TMEM132C: variants seen among roughly 807,000 people sequenced by gnomAD.
TMEM132C encodes transmembrane protein 132C, also known as protein phosphatase 1, regulatory subunit 152.
Under a neutral mutation model 61.4 loss-of-function variants are expected in TMEM132C, and 29 were observed. That is an observed-to-expected ratio of 0.47 (90% CI 0.35 to 0.64). The LOEUF (loss-of-function observed/expected upper bound fraction) is 0.64. Among genes scored for constraint, TMEM132C ranks in the 30% least tolerant of loss-of-function variants. TMEM132C has a pLI of 0.00. For missense variants in TMEM132C, 1,408 were observed against 1,476.9 expected (o/e 0.95, Z 0.76); for synonymous variants, 656 against 633.1 (o/e 1.04, Z -0.54).
At chr12:128,676,664 A>G (rs762458964) in intron 5 of TMEM132C, among the ~76,000 whole-genome samples, 2 of 152,216 alleles carry the variant, frequency 1.3e-5, no homozygotes, top group Non-Finnish European at 2.9e-5. Flanking sequence ...AAATCTACAT[A>G]CATACACATA....
chr12:128,343,724 A>G (rs1485026175), intron 1 of TMEM132C, among the ~76,000 whole-genome samples: 2 of 150,674 alleles, frequency 1.3e-5, no homozygotes, highest in East Asian at 1.9e-4. Flanking sequence ...TTCCACCCAG[A>G]AAAAAAACCC....
intron 2 of TMEM132C, among the ~76,000 whole-genome samples, chr12:128,491,867 A>G (rs1288819507): frequency 7.5e-6 from 1 of 133,638 alleles, no homozygotes; most frequent in Admixed American, 7.5e-5. Context: ...TTTTTTTTTT[A>G]TACTTTAAGT....
chr12:128,428,343 C>T (rs920334439), intron 2 of TMEM132C, among the ~76,000 whole-genome samples: 5 of 152,088 alleles, frequency 3.3e-5, no homozygotes, highest in Non-Finnish European at 4.4e-5. Context: ...CTCCATTCGC[C>T]CACATTGTTC....
chr12:128,355,687 C>G (rs1002365459), intron 1 of TMEM132C, among the ~76,000 whole-genome samples: 1 of 152,050 alleles, frequency 6.6e-6, no homozygotes, highest in South Asian at 2.1e-4. Flanking sequence ...TCCCTTATTC[C>G]CTCCTTTCCT....
Position 128,705,550 on chromosome 12 carries a change from G to A in TMEM132C, c.2582G>A (p.Arg861Lys), listed in dbSNP as rs946444378. Residue 861 changes from arginine to lysine, a missense_variant, in exon 9 of 9, where the codon AGG becomes AAG. Arg to Lys is a conservative substitution (Grantham distance 26, BLOSUM62 2). Transcript: ENST00000435159. ...GALRRATTTA[R>K]SLLDNKVVKN... ...CTCCGAAGAGCCACTACCACGGCCA[G>A]GTCCCTGCTGGACAACAAAGTGGTG... The A allele has an allele frequency of 2.6e-6, 4 of 1,550,990 alleles. No individual in the cohort carries two copies. Among genetic ancestry groups the A allele is most frequent in the African/African-American group, 1.4e-5 (1 of 73,052 alleles).
At chr12:128,308,042 A>G (rs962138947) in intron 1 of TMEM132C, among the ~76,000 whole-genome samples, 6 of 152,206 alleles carry the variant, frequency 3.9e-5, no homozygotes, top group Non-Finnish European at 5.9e-5. Context: ...AGAGGCAAGG[A>G]ATGTCTGTCC....
Position 128,414,791 on chromosome 12 carries a change from C to T in TMEM132C, c.145C>T (p.Leu49=). Residue 49 remains leucine, a synonymous_variant, in exon 2 of 9, where the codon CTA becomes TTA. Transcript: ENST00000435159. ...IQRFSSLPPY[L]PVSYHILRAE... The stretch of plus-strand genomic sequence containing the variant: ...GAGATTCTCCTCACTGCCACCTTAC[C>T]TACCTGTGAGCTACCACATCCTCAG... 1 of 1,541,002 alleles carries T rather than the reference C, an allele frequency of 6.5e-7. No homozygotes were observed.
intron 2 of TMEM132C, among the ~76,000 whole-genome samples, chr12:128,452,903 A>G (rs1403782936): frequency 6.6e-6 from 1 of 152,184 alleles, no homozygotes; most frequent in African/African-American, 2.4e-5. Context: ...ATTTATGAAG[A>G]TAATATGAAG....
intron 2 of TMEM132C, among the ~76,000 whole-genome samples, chr12:128,504,825 G>GGGGGT (rs1872303900): frequency 7.4e-6 from 1 of 135,228 alleles, no homozygotes; most frequent in African/African-American, 2.7e-5. Flanking sequence ...GGGTGGGGGT[G>GGGGGT]GGGGTGGGGG....
intron 4 of TMEM132C, among the ~76,000 whole-genome samples, chr12:128,658,736 T>C (rs1370196217): frequency 6.6e-6 from 1 of 152,190 alleles, no homozygotes; most frequent in Non-Finnish European, 1.5e-5. Context: ...TTCTCCCCAA[T>C]TCAAATCTCC....
chr12:128,327,071 A>G (rs1235931723), intron 1 of TMEM132C, among the ~76,000 whole-genome samples: 3 of 150,026 alleles, frequency 2.0e-5, no homozygotes, highest in Admixed American at 1.3e-4. Context: ...TCAGTGTCAT[A>G]TCACACCATT....
chr12:128,692,840 A>G (rs893957237), intron 5 of TMEM132C, among the ~76,000 whole-genome samples: 2 of 152,174 alleles, frequency 1.3e-5, no homozygotes, highest in Non-Finnish European at 2.9e-5. Context: ...ACATACTTGC[A>G]ACCTTTATTT....
At chr12:128,523,431 T>C (rs1265811811) in intron 2 of TMEM132C, among the ~76,000 whole-genome samples, 4 of 152,214 alleles carry the variant, frequency 2.6e-5, no homozygotes, top group African/African-American at 9.7e-5. Flanking sequence ...GTTATGTGTA[T>C]TTTACCACTT....
In TMEM132C at chr12:128,360,245, GACACACACAC is replaced by G. The variant is rs145728632; in HGVS notation, c.86-54460_86-54451del. ...TAACAATGTTAGATTGATAAAGGAC[GACACACACAC>G]ACACACACACACACACACACACACA... On this transcript the variant is annotated intron_variant, in intron 1 of 8. Transcript: ENST00000435159. Among the ~76,000 whole-genome samples, 139 of 146,002 alleles carry G rather than the reference GACACACACAC, an allele frequency of 9.5e-4. 2 individuals are homozygous for G. Among genetic ancestry groups the G allele is most frequent in the African/African-American group, 2.7e-3 (107 of 39,200 alleles).
At chr12:128,268,461 C>G (rs573730715) in intron 1 of TMEM132C, among the ~76,000 whole-genome samples, 1 of 152,138 alleles carries the variant, frequency 6.6e-6, no homozygotes, top group Non-Finnish European at 1.5e-5. Flanking sequence ...CTGCCCGAGT[C>G]CCGGGGCGCG....
At position 128,587,040 on chromosome 12, in the gene TMEM132C, G is replaced by A. The variant is rs139292275; in HGVS notation, c.1122-29112G>A. On this transcript the variant is annotated intron_variant, in intron 3 of 8. Transcript: ENST00000435159. The stretch of plus-strand genomic sequence containing the variant: ...TGGGCCATAAAGGCGGAAGGAGAAT[G>A]GAAAGGGAATTGCCCAGTGTGGGGA... Among the ~76,000 whole-genome samples the A allele has an allele frequency of 3.3e-3, 509 of 152,360 alleles. 6 individuals are homozygous for A. Among genetic ancestry groups the A allele is most frequent in the African/African-American group, 0.011 (473 of 41,584 alleles).
chr12:128,362,773 A>G (rs117659588), intron 1 of TMEM132C, among the ~76,000 whole-genome samples: 2,074 of 152,356 alleles, frequency 0.014, 23 homozygotes, highest in Non-Finnish European at 0.023. Flanking sequence ...TGCTAAACCC[A>G]TAAAATGCAA....
At chr12:128,495,776 C>A (rs562716575) in intron 2 of TMEM132C, among the ~76,000 whole-genome samples, 2 of 152,196 alleles carry the variant, frequency 1.3e-5, no homozygotes, top group East Asian at 3.9e-4. Context: ...TGGGTCTTGA[C>A]TCTTTATCCA....
chr12:128,314,642 AGAG>A (rs1247643658), intron 1 of TMEM132C, among the ~76,000 whole-genome samples: 1 of 152,096 alleles, frequency 6.6e-6, no homozygotes, highest in Non-Finnish European at 1.5e-5. Flanking sequence ...GTTTATAAGG[AGAG>A]GAGAGGAGAC....
Sources: allele counts gnomAD v4.1 joint callset (sites outside exome capture counted in the v4.1 genomes callset), GRCh38; gene constraint gnomAD v4.1.1; transcripts MANE v1.5; gene names NCBI Gene and HGNC (gene_info 2026-07-23, HGNC 2026-07-21).